The following LYPD6 variants were observed in gnomAD, a reference collection of about 807,000 sequenced individuals.
LYPD6 encodes ly6/PLAUR domain-containing protein 6.
Under a neutral mutation model 22.7 loss-of-function variants are expected in LYPD6, and 15 were observed. The ratio of observed to expected loss-of-function variants is 0.66; its 90% CI spans 0.44 to 1.02. The LOEUF (loss-of-function observed/expected upper bound fraction) is 1.02. Among genes scored for constraint, LYPD6 ranks in the 50% least tolerant of loss-of-function variants. LYPD6 has a pLI of 0.00. For missense variants in LYPD6, 189 were observed against 208.4 expected, an observed-to-expected ratio of 0.91 and a Z score of 0.57; for synonymous variants, 72 against 77.5, an observed-to-expected ratio of 0.93 and a Z score of 0.37.
intron 1 of LYPD6, among the ~76,000 whole-genome samples, chr2:149,402,438 T>G (rs1439812263): frequency 6.6e-6 from 1 of 152,142 alleles, no homozygotes; most frequent in Non-Finnish European, 1.5e-5. Flanking sequence ...GTAGATCTAT[T>G]TTTAGTTCAC....
At chr2:149,467,303 G>C (rs568718868) in intron 3 of LYPD6, among the ~76,000 whole-genome samples, 1 of 152,264 alleles carries the variant, frequency 6.6e-6, no homozygotes, top group East Asian at 1.9e-4. Context: ...TTAGGGGAGG[G>C]TGTTGCCACA....
intron 1 of LYPD6, among the ~76,000 whole-genome samples, chr2:149,359,265 G>C (rs112291362): frequency 6.6e-6 from 1 of 152,136 alleles, no homozygotes; most frequent in Non-Finnish European, 1.5e-5. Context: ...ATTCCTATGG[G>C]GGTGTCCAGG....
At chr2:149,402,201 A>G (rs1373648471) in intron 1 of LYPD6, among the ~76,000 whole-genome samples, 2 of 150,290 alleles carry the variant, frequency 1.3e-5, no homozygotes, top group Non-Finnish European at 3.0e-5. Context: ...ATTCCTTTTT[A>G]TGGCTGAATA....
chr2:149,438,965 A>G (rs923731895), intron 2 of LYPD6, among the ~76,000 whole-genome samples: 5 of 152,246 alleles, frequency 3.3e-5, no homozygotes, highest in Non-Finnish European at 7.3e-5. Flanking sequence ...GAAATGCTCA[A>G]TCAATGTTAG....
At chr2:149,443,990 G>A (rs1683625652) in intron 2 of LYPD6, among the ~76,000 whole-genome samples, 1 of 145,018 alleles carries the variant, frequency 6.9e-6, no homozygotes, top group Non-Finnish European at 1.5e-5. Context: ...CTGGAGTGCA[G>A]TGGTGCAATC....
At position 149,472,401 on chromosome 2, in the gene LYPD6, G is replaced by GTAAT. The variant is rs1681362624; in HGVS notation, c.*1552_*1553insAATT. 1 of 152,594 alleles carries GTAAT rather than the reference G, an allele frequency of 6.6e-6. No homozygotes were observed. The highest frequency in any genetic ancestry group is 1.5e-5 in the Non-Finnish European group (1 of 68,036). The allele number at this position is 152,594 out of a possible 1,614,324, so 9.5% of individuals were successfully genotyped here. On this transcript the variant is annotated 3_prime_UTR_variant, in exon 5 of 5. Coordinates refer to ENST00000334166, the MANE Select transcript of LYPD6 (RefSeq NM_194317.5). ...GTTTGTGTGCAGGGTTTTCAGATGT[G>GTAAT]TTTTTGTGAAACTTGGTAGAACCAT...
intron 1 of LYPD6, among the ~76,000 whole-genome samples, chr2:149,416,101 C>G (rs1682956622): frequency 6.6e-6 from 1 of 152,170 alleles, no homozygotes; most frequent in Non-Finnish European, 1.5e-5. Context: ...CCGTGACTTC[C>G]ATGGGCTGCT....
intron 1 of LYPD6, among the ~76,000 whole-genome samples, chr2:149,334,556 T>G (rs1399354121): frequency 6.6e-6 from 1 of 152,154 alleles, no homozygotes; most frequent in Non-Finnish European, 1.5e-5. Flanking sequence ...CTAGATGGCC[T>G]TCACCTAAGT....
At chr2:149,336,236 A>G (rs1681032511) in intron 1 of LYPD6, among the ~76,000 whole-genome samples, 1 of 152,228 alleles carries the variant, frequency 6.6e-6, no homozygotes, top group Admixed American at 6.5e-5. Context: ...ACACTTTTGT[A>G]AATGCTTATG....
At chr2:149,484,719 TC>T in the LYPD6 span, among the ~76,000 whole-genome samples, 1 of 152,070 alleles carries the variant, frequency 6.6e-6, no homozygotes, top group Non-Finnish European at 1.5e-5. Flanking sequence ...CTCAGGCCAA[TC>T]CTAGTGGGAC....
intron 1 of LYPD6, among the ~76,000 whole-genome samples, chr2:149,416,127 C>CT (rs1682957254): frequency 6.6e-6 from 1 of 152,212 alleles, no homozygotes; most frequent in South Asian, 2.1e-4. Flanking sequence ...TGAGAGAGAA[C>CT]TCAGAAGAGG....
At chr2:149,425,204 G>C (rs930951092) in intron 1 of LYPD6, among the ~76,000 whole-genome samples, 7 of 152,146 alleles carry the variant, frequency 4.6e-5, no homozygotes, top group African/African-American at 1.7e-4. Context: ...GTGTGGCCTT[G>C]GTTCTAAGGA....
intron 1 of LYPD6, among the ~76,000 whole-genome samples, chr2:149,348,650 C>A (rs1352048321): frequency 6.6e-6 from 1 of 152,184 alleles, no homozygotes; most frequent in African/African-American, 2.4e-5. Flanking sequence ...ACATGCAAAG[C>A]CTTAGAGGTT....
chr2:149,413,982 A>G (rs1319042174), intron 1 of LYPD6, among the ~76,000 whole-genome samples: 2 of 152,266 alleles, frequency 1.3e-5, no homozygotes, highest in Admixed American at 1.3e-4. Context: ...AAGGGTGGCC[A>G]CTTGCATCTT....
chr2:149,440,693 C>CTTTTTTT (rs764789006), intron 2 of LYPD6, among the ~76,000 whole-genome samples: 26 of 91,068 alleles, frequency 2.9e-4, no homozygotes, highest in East Asian at 1.0e-3. Flanking sequence ...TTCTGTCCAC[C>CTTTTTTT]TTTTTTTTTT....
intron 1 of LYPD6, among the ~76,000 whole-genome samples, chr2:149,413,271 G>A (rs1448880183): frequency 1.3e-5 from 2 of 152,132 alleles, no homozygotes; most frequent in Non-Finnish European, 2.9e-5. Context: ...GACTAAGATG[G>A]GGGAAAGAGG....
intron 1 of LYPD6, among the ~76,000 whole-genome samples, chr2:149,378,379 A>G (rs1049123766): frequency 1.1e-4 from 16 of 152,290 alleles, no homozygotes; most frequent in African/African-American, 3.8e-4. Flanking sequence ...TGGCCTCCCA[A>G]AGTGCTAGGA....
intron 1 of LYPD6, among the ~76,000 whole-genome samples, chr2:149,333,543 A>G (rs547598488): frequency 1.3e-5 from 2 of 152,346 alleles, no homozygotes; most frequent in East Asian, 3.9e-4. Context: ...TAGTTTTCTT[A>G]TGTGTAAAGC....
chr2:149,380,322 T>C (rs1682031549), intron 1 of LYPD6, among the ~76,000 whole-genome samples: 2 of 152,208 alleles, frequency 1.3e-5, no homozygotes, highest in African/African-American at 4.8e-5. Flanking sequence ...ACATAACTTA[T>C]CTTTTAAAAG....
Sources: allele counts gnomAD v4.1 joint callset (sites outside exome capture counted in the v4.1 genomes callset), GRCh38; gene constraint gnomAD v4.1.1; transcripts MANE v1.5; gene names NCBI Gene and HGNC (gene_info 2026-07-23, HGNC 2026-07-21).